SNTG1: variants seen among roughly 807,000 people sequenced by gnomAD.
The protein encoded by SNTG1 is gamma-1-syntrophin.
SNTG1 carries 39 observed loss-of-function variants against 74.7 expected under a neutral mutation model. The observed-to-expected ratio is 0.52, with a 90% CI of 0.40 to 0.68. The LOEUF (loss-of-function observed/expected upper bound fraction) is 0.68, where lower values mean the gene tolerates loss of function less well. Ranked by LOEUF, SNTG1 falls within the 30% of genes least tolerant of loss-of-function variation. The pLI is 0.00. For missense variants in SNTG1, 685 were observed against 609.5 expected, an observed-to-expected ratio of 1.12 and a Z score of -1.30; for synonymous variants, 254 against 217.1, an observed-to-expected ratio of 1.17 and a Z score of -1.49.
intron 4 of SNTG1, among the ~76,000 whole-genome samples, chr8:50,402,656 T>G (rs1308582558): frequency 2.0e-5 from 3 of 152,178 alleles, no homozygotes; most frequent in Non-Finnish European, 4.4e-5. Flanking sequence ...GAACTGTGCA[T>G]GGTGATGGCT....
chr8:50,611,523 G>A (rs554351022), intron 13 of SNTG1, among the ~76,000 whole-genome samples: 1 of 152,196 alleles, frequency 6.6e-6, no homozygotes, highest in East Asian at 1.9e-4. Flanking sequence ...CAGAAAAAAG[G>A]CATAAAATAA....
intron 15 of SNTG1, among the ~76,000 whole-genome samples, chr8:50,697,470 G>A (rs1369874355): frequency 2.6e-5 from 4 of 152,246 alleles, no homozygotes; most frequent in African/African-American, 9.6e-5. Context: ...ATGTTAAATA[G>A]GAGTGGTAAG....
intron 2 of SNTG1, among the ~76,000 whole-genome samples, chr8:50,242,524 T>C (rs1009245795): frequency 7.7e-5 from 4 of 52,086 alleles, no homozygotes; most frequent in African/African-American, 1.8e-4. Context: ...TGAGAATCCA[T>C]CTCAAAAAAA....
intron 11 of SNTG1, among the ~76,000 whole-genome samples, chr8:50,540,998 T>C (rs2094342515): frequency 6.6e-6 from 1 of 152,114 alleles, no homozygotes. Flanking sequence ...TAATTCAAAT[T>C]AGTCTAGTTA....
chr8:50,385,993 A>G (rs1235389537), intron 2 of SNTG1, among the ~76,000 whole-genome samples: 4 of 152,210 alleles, frequency 2.6e-5, no homozygotes, highest in African/African-American at 9.6e-5. Flanking sequence ...AAAGTCTACA[A>G]TATCTCGAGG....
At chr8:50,206,775 AG>A (rs202240163) in intron 2 of SNTG1, among the ~76,000 whole-genome samples, 3,508 of 152,218 alleles carry the variant, frequency 0.023, 127 homozygotes, top group African/African-American at 0.08. Flanking sequence ...TTTAGCATGA[AG>A]GGTTGTTGAA....
intron 2 of SNTG1, among the ~76,000 whole-genome samples, chr8:50,272,690 C>A (rs149528358): frequency 6.6e-6 from 1 of 152,286 alleles, no homozygotes; most frequent in African/African-American, 2.4e-5. Context: ...TGATTTGTAT[C>A]ATGTACATGT....
intron 2 of SNTG1, among the ~76,000 whole-genome samples, chr8:50,360,375 T>C (rs2091924695): frequency 6.6e-6 from 1 of 152,130 alleles, no homozygotes; most frequent in Non-Finnish European, 1.5e-5. Context: ...TTTAAAAATG[T>C]TTTTCTTTTT....
chr8:50,078,829 T>C (rs1822138560), intron 1 of SNTG1, among the ~76,000 whole-genome samples: 1 of 152,224 alleles, frequency 6.6e-6, no homozygotes, highest in African/African-American at 2.4e-5. Flanking sequence ...TTTCTGTTCC[T>C]GTGTTAGTTT....
At chr8:50,575,903 A>G (rs1252339979) in intron 12 of SNTG1, among the ~76,000 whole-genome samples, 1 of 151,706 alleles carries the variant, frequency 6.6e-6, no homozygotes, top group Non-Finnish European at 1.5e-5. Context: ...TCCTTGAAAT[A>G]GTTCCTCTTT....
At chr8:50,532,800 T>C (rs1477099764) in intron 10 of SNTG1, among the ~76,000 whole-genome samples, 3 of 152,180 alleles carry the variant, frequency 2.0e-5, no homozygotes, top group African/African-American at 7.2e-5. Flanking sequence ...TTCCACAGAA[T>C]ATGTGTATAT....
At position 50,066,500 on chromosome 8, in the gene SNTG1, C is replaced by T. The variant is rs548245580; in HGVS notation, c.-102-106061C>T. ...AATAGTAATACTTAGGATAACAACA[C>T]GATGTCAAGTTTAAAAATAATTAAT... On this transcript the variant is annotated intron_variant, in intron 1 of 18. Transcript: ENST00000642720. 3.3e-5 allele frequency among the ~76,000 whole-genome samples: 5 copies of T among 152,230 alleles called. No homozygotes were observed. The South Asian group carries it at 6.2e-4, about 19-fold the overall frequency.
At chr8:50,581,022 T>C (rs1422690237) in intron 12 of SNTG1, among the ~76,000 whole-genome samples, 4 of 152,194 alleles carry the variant, frequency 2.6e-5, no homozygotes, top group Admixed American at 1.3e-4. Flanking sequence ...TAATGGACAG[T>C]GTGTAATTAC....
intron 10 of SNTG1, among the ~76,000 whole-genome samples, chr8:50,536,159 A>G (rs1261817103): frequency 6.6e-6 from 1 of 152,192 alleles, no homozygotes; most frequent in Non-Finnish European, 1.5e-5. Flanking sequence ...TAGAAAAAGG[A>G]GCACAGATTT....
chr8:50,677,624 A>G (rs890532231), intron 15 of SNTG1, among the ~76,000 whole-genome samples: 2 of 151,996 alleles, frequency 1.3e-5, no homozygotes, highest in Admixed American at 1.3e-4. Flanking sequence ...AAATTTACAT[A>G]GTATATGATT....
Position 50,173,799 on chromosome 8 carries a change from C to G in SNTG1, c.-28+1164C>G, listed in dbSNP as rs16914386. Among the ~76,000 whole-genome samples the G allele has an allele frequency of 8.1e-3, 1,239 of 152,274 alleles. 20 individuals are homozygous for G. Among genetic ancestry groups the G allele is most frequent in the African/African-American group, 0.029 (1,193 of 41,546 alleles). ...CACCCAATCTGATCCTTAAATTATT[C>G]AGGTAGATTTTTTAAACAATTATCT... is the stretch of plus-strand genomic sequence containing the variant. On this transcript the variant is annotated intron_variant, in intron 2 of 18. Transcript: ENST00000642720.
rs776736847 is a variant in SNTG1, at chr8:50,124,161, T to C, written c.-102-48400T>C. Among the ~76,000 whole-genome samples, 59 of 141,100 alleles carry C rather than the reference T, an allele frequency of 4.2e-4. 10 individuals are homozygous for C. The highest frequency in any genetic ancestry group is 2.5e-3 in the Admixed American group (34 of 13,666). The allele number at this position is 141,100 out of a possible 152,430, so 92.6% of individuals were successfully genotyped here. A position where few individuals can be genotyped will look rare whatever the true frequency, so the allele number is the denominator to read the frequency against. ...CCCTAATCCAATATGCCTTGTGTCC[T>C]TATTAAAAGAGGAGGTTAGGACAGA... On this transcript the variant is annotated intron_variant, in intron 1 of 18. Transcript: ENST00000642720.
intron 8 of SNTG1, among the ~76,000 whole-genome samples, chr8:50,478,064 T>C (rs2093710752): frequency 6.6e-6 from 1 of 152,140 alleles, no homozygotes; most frequent in Non-Finnish European, 1.5e-5. Flanking sequence ...TCTCCTCCTC[T>C]CCTATAGATT....
chr8:49,995,132 T>C (rs189880203), intron 1 of SNTG1, among the ~76,000 whole-genome samples: 1 of 152,046 alleles, frequency 6.6e-6, no homozygotes, highest in Non-Finnish European at 1.5e-5. Context: ...AAATAATCAG[T>C]GAACAGAGGT....
Sources: gnomAD v4.1 joint callset for allele counts (sites outside exome capture counted in the v4.1 genomes callset) on GRCh38, gnomAD v4.1.1 for gene constraint, MANE v1.5 for transcripts, NCBI Gene and HGNC (gene_info 2026-07-23, HGNC 2026-07-21) for gene names.